RSPH9: variants seen among roughly 807,000 people sequenced by gnomAD.
RSPH9 encodes the protein radial spoke head component 9.
A neutral mutation model predicts 27.0 loss-of-function variants in RSPH9; 27 were observed. The observed-to-expected ratio is 1.00, with a 90% confidence interval of 0.74 to 1.38. The LOEUF (loss-of-function observed/expected upper bound fraction) is 1.38. Ranked by LOEUF, RSPH9 falls within the 40% of genes most tolerant of loss-of-function variation. The probability of loss-of-function intolerance (pLI) is 0.00; values close to 1 mark genes in which losing one functional copy is unlikely to be tolerated. For missense variants in RSPH9, 347 were observed against 357.4 expected, an observed-to-expected ratio of 0.97 and a Z score of 0.24; for synonymous variants, 145 against 147.7, an observed-to-expected ratio of 0.98 and a Z score of 0.13.
At chr6:43,660,368 A>G (rs1353713940) in intron 4 of RSPH9, among the ~76,000 whole-genome samples, 1 of 152,084 alleles carries the variant, frequency 6.6e-6, no homozygotes, top group African/African-American at 2.4e-5. Flanking sequence ...ACCTGTCAAT[A>G]TCATCCATGA....
rs1338911495 is a variant in RSPH9, at chr6:43,671,427, CCAAG to C, written c.*481_*484del. On this transcript the variant is annotated 3_prime_UTR_variant, in exon 5 of 5. Transcript: ENST00000372163. The stretch of plus-strand genomic sequence containing the variant: ...ATGTGCCCAGGACCCCCTGCACTTC[CCAAG>C]CAGTGAGCGCACACCCAATGGGTAA... 5 of 423,458 alleles carry C rather than the reference CCAAG, an allele frequency of 1.2e-5. No homozygotes were observed. The highest frequency in any genetic ancestry group is 2.2e-5 in the Non-Finnish European group (5 of 231,846). The allele number at this position is 423,458 out of a possible 1,614,324, so 26.2% of individuals were successfully genotyped here. A position where few individuals can be genotyped will look rare whatever the true frequency, so the allele number is the denominator to read the frequency against.
chr6:43,650,958 A>G (rs184906471), intron 2 of RSPH9, among the ~76,000 whole-genome samples: 232 of 150,978 alleles, frequency 1.5e-3, no homozygotes, highest in African/African-American at 5.3e-3. Context: ...AAGTACGATC[A>G]TTATTTCCTT....
At chr6:43,652,345 CAT>C (rs967823983) in intron 2 of RSPH9, among the ~76,000 whole-genome samples, 4 of 150,584 alleles carry the variant, frequency 2.7e-5, no homozygotes, top group African/African-American at 9.7e-5. Context: ...ATGTTATACA[CAT>C]GATTCTGAAC....
intron 4 of RSPH9, among the ~76,000 whole-genome samples, chr6:43,659,540 G>T (rs190656394): frequency 6.6e-6 from 1 of 151,366 alleles, no homozygotes; most frequent in Non-Finnish European, 1.5e-5. Flanking sequence ...CCGCCGCCAC[G>T]GCTGGCTAAT....
chr6:43,663,747 G>C (rs969873456), intron 4 of RSPH9, among the ~76,000 whole-genome samples: 3 of 151,908 alleles, frequency 2.0e-5, no homozygotes, highest in African/African-American at 7.3e-5. Flanking sequence ...ACAAAAAAAA[G>C]GGCTGAGTGC....
chr6:43,646,001 C>T (rs1770817512), intron 1 of RSPH9, among the ~76,000 whole-genome samples: 1 of 152,166 alleles, frequency 6.6e-6, no homozygotes, highest in Non-Finnish European at 1.5e-5. Context: ...GTCACCCAGG[C>T]TGGAGTGCAG....
rs1773796529 is a variant in RSPH9, at chr6:43,672,536, A to G, written c.*1587A>G. The G allele has an allele frequency of 4.7e-6, 2 of 429,248 alleles. No individual in the cohort carries two copies. Among genetic ancestry groups the G allele is most frequent in the Non-Finnish European group, 9.8e-6 (2 of 203,356 alleles). The allele number at this position is 429,248 out of a possible 1,614,324, so 26.6% of individuals were successfully genotyped here. A position where few individuals can be genotyped will look rare whatever the true frequency, so the allele number is the denominator to read the frequency against. ...GGCCAGGGCCCTGATAGTTCCCAGA[A>G]AAGTGGCTCATGCCGGCTAGGATTG... On this transcript the variant is annotated 3_prime_UTR_variant, in exon 5 of 5. Coordinates refer to ENST00000372163, the MANE Select transcript of RSPH9 (RefSeq NM_152732.5).
intron 2 of RSPH9, among the ~76,000 whole-genome samples, chr6:43,655,135 T>C (rs1771869444): frequency 6.6e-6 from 1 of 152,246 alleles, no homozygotes; most frequent in African/African-American, 2.4e-5. Context: ...TTGGTATGTC[T>C]TTCTATATTA....
intron 4 of RSPH9, among the ~76,000 whole-genome samples, chr6:43,669,821 G>T (rs1363052259): frequency 6.6e-6 from 1 of 152,202 alleles, no homozygotes; most frequent in Non-Finnish European, 1.5e-5. Flanking sequence ...CCTCATGGCT[G>T]CACGACTCAG....
Position 43,650,369 on chromosome 6 carries a change from T to A in RSPH9, c.228-6T>A, listed in dbSNP as rs775136764. On this transcript the variant is annotated splice_polypyrimidine_tract_variant and splice_region_variant and intron_variant, in intron 1 of 4. Transcript: ENST00000372163. ...AATCCAGGGGTGATGTGAATATTGT[T>A]GGCAGCCTGAACTGCACAGAGTGGA... The A allele has an allele frequency of 1.2e-6, 2 of 1,612,872 alleles. No homozygotes were observed. Among genetic ancestry groups the A allele is most frequent in the Non-Finnish European group, 1.7e-6 (2 of 1,179,996 alleles).
At chr6:43,666,445 G>A (rs1476075003) in intron 4 of RSPH9, 2 of 1,550,424 alleles carry the variant, frequency 1.3e-6, no homozygotes, top group African/African-American at 2.7e-5. Flanking sequence ...GTTGTTCAGG[G>A]TGACTTCACG....
chr6:43,669,197 T>C (rs893623704), intron 4 of RSPH9, among the ~76,000 whole-genome samples: 6 of 152,166 alleles, frequency 3.9e-5, no homozygotes, highest in East Asian at 3.9e-4. Context: ...GCAGGCACTG[T>C]GTGGGCTGGA....
chr6:43,656,860 G>A, intron 4 of RSPH9, 137 bp downstream of exon 4: 1 of 927,508 alleles, frequency 1.1e-6, no homozygotes, highest in Non-Finnish European at 1.7e-6. Flanking sequence ...TTTTGAGGGT[G>A]GAGCTTCCCC....
rs1187105411 is a variant in RSPH9 at position 43,650,446 on chromosome 6, A to G, written c.299A>G (p.Lys100Arg). 3 of 1,614,064 alleles carry G rather than the reference A, an allele frequency of 1.9e-6. No homozygotes were observed. The highest frequency in any genetic ancestry group is 2.5e-6 in the Non-Finnish European group (3 of 1,180,046). ...ATGGTGGCGCAGTCGTCTGTGGTGA[A>G]GGGCCGCTTCATGGGGGACCCATCA... is the stretch of plus-strand genomic sequence containing the variant. ...EEMVAQSSVV[K>R]GRFMGDPSYE... The change falls in exon 2 of 5, where the codon AAG becomes AGG. Residue 100 changes from lysine to arginine, a missense_variant. By Grantham distance (26) the Lys-to-Arg change is conservative. Transcript: ENST00000372163.
rs142210090 is a variant in RSPH9, at chr6:43,665,710, A to T, written c.671-5079A>T. Among the ~76,000 whole-genome samples the T allele has an allele frequency of 4.0e-3, 616 of 152,254 alleles. 4 individuals are homozygous for T. The highest frequency in any genetic ancestry group is 0.014 in the African/African-American group (588 of 41,538). ...TGAGGACTCCTGGCATTTCCTGGGC[A>T]TGTGGGCCTCAGGGGAGGGATGCTC... On this transcript the variant is annotated intron_variant, in intron 4 of 4. Coordinates refer to ENST00000372163, the MANE Select transcript of RSPH9 (RefSeq NM_152732.5).
chr6:43,662,903 C>T (rs1320687548), intron 4 of RSPH9, among the ~76,000 whole-genome samples: 1 of 152,004 alleles, frequency 6.6e-6, no homozygotes, highest in African/African-American at 2.4e-5. Context: ...CTCAAGCAAT[C>T]CTCCTGCCTC....
At chr6:43,655,786 C>A in intron 3 of RSPH9, 95 bp downstream of exon 3, 1 of 1,425,502 alleles carries the variant, frequency 7.0e-7, no homozygotes, top group Non-Finnish European at 9.8e-7. Flanking sequence ...GGCTTACACA[C>A]TTTATCAGAG....
Position 43,645,047 on chromosome 6 carries a change from G to A in RSPH9, c.-52G>A. 2.7e-6 allele frequency: 4 copies of A among 1,508,950 alleles called. No individual in the cohort carries two copies. Among genetic ancestry groups the A allele is most frequent in the Non-Finnish European group, 3.6e-6 (4 of 1,095,930 alleles). The allele number at this position is 1,508,950 out of a possible 1,614,324, so 93.5% of individuals were successfully genotyped here. A position where few individuals can be genotyped will look rare whatever the true frequency, so the allele number is the denominator to read the frequency against. On this transcript the variant is annotated 5_prime_UTR_variant, in exon 1 of 5. Coordinates refer to ENST00000372163, the MANE Select transcript of RSPH9 (RefSeq NM_152732.5). ...AAGGGCGGAGCTTCAGGTCTCCATG[G>A]AGGCGGCTTCTCCTAGCAACTCGAC...
intron 4 of RSPH9, among the ~76,000 whole-genome samples, chr6:43,662,322 T>G (rs1412890666): frequency 6.6e-6 from 1 of 152,086 alleles, no homozygotes; most frequent in Non-Finnish European, 1.5e-5. Context: ...ATTTCCTATC[T>G]AGACCACTCA....
Sources: allele counts gnomAD v4.1 joint callset (sites outside exome capture counted in the v4.1 genomes callset), GRCh38; gene constraint gnomAD v4.1.1; transcripts MANE v1.5; gene names NCBI Gene and HGNC (gene_info 2026-07-23, HGNC 2026-07-21).